Variants in IMMP2L observed in about 807,000 individuals in gnomAD.
The protein encoded by IMMP2L is inner mitochondrial membrane peptidase subunit 2.
Under a neutral mutation model 19.3 loss-of-function variants are expected in IMMP2L, and 18 were observed. The observed-to-expected ratio is 0.93, with a 90% CI of 0.64 to 1.38. The LOEUF is 1.38. Ranked by LOEUF, IMMP2L falls within the 40% of genes most tolerant of loss-of-function variation. IMMP2L has a pLI of 0.00. For missense variants in IMMP2L, 233 were observed against 218.2 expected (o/e 1.07, Z -0.43); for synonymous variants, 76 against 73.0 (o/e 1.04, Z -0.21).
intron 3 of IMMP2L, among the ~76,000 whole-genome samples, chr7:111,374,424 C>G (rs1830507281): frequency 6.6e-6 from 1 of 151,918 alleles, no homozygotes; most frequent in African/African-American, 2.4e-5. Flanking sequence ...TGATGAGAAG[C>G]TAGTTCTCAA....
At chr7:111,532,392 C>A (rs897832836) in intron 1 of IMMP2L, 3 of 152,118 alleles carry the variant, frequency 2.0e-5, no homozygotes, top group African/African-American at 7.2e-5. Context: ...TTTTAAAGAA[C>A]ATGGTTTCTG....
intron 4 of IMMP2L, among the ~76,000 whole-genome samples, chr7:110,925,993 G>T (rs565788994): frequency 6.6e-6 from 1 of 151,984 alleles, no homozygotes; most frequent in South Asian, 2.1e-4. Context: ...TATTACATCA[G>T]ATTTAAACAT....
chr7:111,120,215 T>C (rs1800423130), intron 3 of IMMP2L, among the ~76,000 whole-genome samples: 1 of 152,154 alleles, frequency 6.6e-6, no homozygotes, highest in Admixed American at 6.6e-5. Flanking sequence ...CATTAATCCG[T>C]TCTCATGCTG....
chr7:110,979,806 T>G (rs1290553713), intron 3 of IMMP2L, among the ~76,000 whole-genome samples: 1 of 152,184 alleles, frequency 6.6e-6, no homozygotes, highest in Admixed American at 6.5e-5. Context: ...GAAAGTGTGC[T>G]TAAGGGTACA....
At chr7:110,918,906 T>C (rs1183102443) in intron 4 of IMMP2L, among the ~76,000 whole-genome samples, 2 of 152,218 alleles carry the variant, frequency 1.3e-5, no homozygotes, top group Admixed American at 6.5e-5. Context: ...TAGCATTTTA[T>C]CAAATCTTCA....
chr7:111,259,509 C>T (rs1260541608), intron 3 of IMMP2L, among the ~76,000 whole-genome samples: 1 of 152,002 alleles, frequency 6.6e-6, no homozygotes, highest in Non-Finnish European at 1.5e-5. Context: ...AGTGGTGGCA[C>T]ATGCCTGTAG....
At chr7:110,835,621 G>C (rs983933690) in intron 5 of IMMP2L, among the ~76,000 whole-genome samples, 1 of 151,016 alleles carries the variant, frequency 6.6e-6, no homozygotes, top group East Asian at 1.9e-4. Context: ...GTTCCCAGAA[G>C]GTAGTGTTGT....
In IMMP2L at chr7:110,786,080, T is replaced by C. The variant is rs1242033222; in HGVS notation, c.408+100513A>G. Among the ~76,000 whole-genome samples, 3 of 151,978 alleles carry C rather than the reference T, an allele frequency of 2.0e-5. No homozygotes were observed. In the South Asian group the frequency reaches 6.2e-4, roughly 31 times the overall value. ...GGATGCTTACTAGATTGCCAATTTCTGTATATTAACAATAAATATTATAAA... is the reference window on the plus strand; with the variant it reads ...GGATGCTTACTAGATTGCCAATTTCCGTATATTAACAATAAATATTATAAA... On this transcript the variant is annotated intron_variant, in intron 5 of 5. Transcript: ENST00000405709.
chr7:111,284,427 G>A (rs542848385), intron 3 of IMMP2L, among the ~76,000 whole-genome samples: 158 of 152,210 alleles, frequency 1.0e-3, no homozygotes, highest in Non-Finnish European at 1.9e-3. Context: ...AGCATTTGGA[G>A]AGAGGGAGTA....
intron 3 of IMMP2L, among the ~76,000 whole-genome samples, chr7:111,216,648 T>C (rs1414059940): frequency 6.6e-6 from 1 of 152,162 alleles, no homozygotes; most frequent in Non-Finnish European, 1.5e-5. Context: ...ATATTCCTCC[T>C]GTCTACCTGA....
At chr7:111,217,126 T>TCTCTCTCACACACACACACACA (rs1472700586) in intron 3 of IMMP2L, among the ~76,000 whole-genome samples, 2 of 123,998 alleles carry the variant, frequency 1.6e-5, no homozygotes, top group African/African-American at 6.3e-5. Flanking sequence ...TCTCTCTCTC[T>TCTCTCTCACACACACACACACA]CACACACACA....
At position 111,555,738 on chromosome 7, in the gene IMMP2L, T is replaced by C. The variant is rs1037903136; in HGVS notation, c.-3+6113A>G. On this transcript the variant is annotated intron_variant, in intron 1 of 5. Transcript: ENST00000405709. ...CAAAAAGCAGAATCTATTTCTTTTTTAAGGCTGAATAATATTCCATTCTAT... is the reference window on the plus strand; with the variant it reads ...CAAAAAGCAGAATCTATTTCTTTTTCAAGGCTGAATAATATTCCATTCTAT... Among the ~76,000 whole-genome samples, 17 of 152,082 alleles carry C rather than the reference T, an allele frequency of 1.1e-4. No individual in the cohort carries two copies. The South Asian group carries it at 1.7e-3, about 15-fold the overall frequency.
chr7:111,332,966 G>A (rs1335216651), intron 3 of IMMP2L, among the ~76,000 whole-genome samples: 1 of 152,050 alleles, frequency 6.6e-6, no homozygotes, highest in African/African-American at 2.4e-5. Flanking sequence ...GAATACAGGA[G>A]ATCCCTTAGG....
At chr7:110,744,327 A>C (rs992227849) in intron 5 of IMMP2L, among the ~76,000 whole-genome samples, 4 of 152,230 alleles carry the variant, frequency 2.6e-5, no homozygotes, top group African/African-American at 9.6e-5. Flanking sequence ...CAGCTTCAGC[A>C]GACTTAAACG....
In IMMP2L at chr7:110,943,933, C is replaced by A. The variant is rs569514165; in HGVS notation, c.305+19567G>T. On this transcript the variant is annotated intron_variant, in intron 4 of 5. Coordinates refer to ENST00000405709, the MANE Select transcript of IMMP2L (RefSeq NM_032549.4). Reference sequence around the variant, plus strand: ...CCTTAACCTTCAGCAACATGAAAAACTAATGTTCAGCAAATTAGAGAGTTT... The same window carrying A: ...CCTTAACCTTCAGCAACATGAAAAAATAATGTTCAGCAAATTAGAGAGTTT... Among the ~76,000 whole-genome samples, 52 of 152,046 alleles carry A rather than the reference C, an allele frequency of 3.4e-4. No individual in the cohort carries two copies. In the Middle Eastern group the frequency reaches 0.01, roughly 30 times the overall value.
chr7:111,531,869 GT>G (rs1847424138), intron 1 of IMMP2L, among the ~76,000 whole-genome samples: 1 of 152,108 alleles, frequency 6.6e-6, no homozygotes, highest in Non-Finnish European at 1.5e-5. Flanking sequence ...CAGTGGGTTA[GT>G]AAAAGGATAT....
At chr7:111,182,256 G>A (rs868183685) in intron 3 of IMMP2L, among the ~76,000 whole-genome samples, 5 of 151,802 alleles carry the variant, frequency 3.3e-5, no homozygotes, top group African/African-American at 9.7e-5. Context: ...CCACTTACCC[G>A]GCTAATAATA....
At chr7:110,776,189 A>G (rs947133954) in intron 5 of IMMP2L, among the ~76,000 whole-genome samples, 2 of 152,082 alleles carry the variant, frequency 1.3e-5, no homozygotes, top group South Asian at 2.1e-4. Context: ...GGCAGTTAGC[A>G]TCAGAAGATC....
intron 3 of IMMP2L, among the ~76,000 whole-genome samples, chr7:111,168,699 G>A (rs1350165205): frequency 6.6e-6 from 1 of 151,818 alleles, no homozygotes; most frequent in Non-Finnish European, 1.5e-5. Flanking sequence ...TTCAAGCAAA[G>A]CTGTATAATA....
Sources: gnomAD v4.1 joint callset for allele counts (sites outside exome capture counted in the v4.1 genomes callset) on GRCh38, gnomAD v4.1.1 for gene constraint, MANE v1.5 for transcripts, NCBI Gene and HGNC (gene_info 2026-07-23, HGNC 2026-07-21) for gene names.